Variants in RALGAPA1 observed in about 807,000 individuals in gnomAD.
RALGAPA1 encodes ral GTPase-activating protein subunit alpha-1.
Under a neutral mutation model 269.6 loss-of-function variants are expected in RALGAPA1, and 52 were observed. The observed-to-expected ratio is 0.19, with a 90% CI of 0.15 to 0.24. The LOEUF (loss-of-function observed/expected upper bound fraction) is 0.24, where lower values mean the gene tolerates loss of function less well. Ranked by LOEUF, RALGAPA1 falls within the 10% of genes least tolerant of loss-of-function variation. RALGAPA1 has a pLI of 1.00. For synonymous variants in RALGAPA1, 817 were observed against 1,008.3 expected (o/e 0.81, Z 3.60); for missense variants, 1,917 against 3,013.9 (o/e 0.64, Z 8.52).
chr14:35,745,862 A>G (rs114818991), intron 10 of RALGAPA1, among the ~76,000 whole-genome samples: 3,345 of 151,508 alleles, frequency 0.022, 124 homozygotes, highest in South Asian at 0.14. Flanking sequence ...ACGAGAGAGG[A>G]TGGCTTTAGG....
intron 35 of RALGAPA1, among the ~76,000 whole-genome samples, chr14:35,615,265 T>C (rs2060180873): frequency 6.6e-6 from 1 of 152,172 alleles, no homozygotes; most frequent in African/African-American, 2.4e-5. Context: ...TGTATATACC[T>C]TGCAATAAAA....
rs371643318 is a variant in RALGAPA1, at chr14:35,630,337, G to T, written c.5996-2386C>A. Among the ~76,000 whole-genome samples the T allele has an allele frequency of 4.7e-4, 72 of 151,972 alleles. No individual in the cohort carries two copies. In the East Asian group the frequency reaches 9.3e-3, roughly 20 times the overall value. On this transcript the variant is annotated intron_variant, in intron 33 of 41. Coordinates refer to ENST00000680220, the MANE Select transcript of RALGAPA1 (RefSeq NM_001346249.2). ...GAGTCTTGCTGTGTCACCCAGGCTG[G>T]AGTGCAGTGGCACGATCTTGGCTCA... is the stretch of plus-strand genomic sequence containing the variant.
At chr14:35,600,547 GCTGTTTAGGCTGTTTCTA>G (rs1244973441) in intron 36 of RALGAPA1, among the ~76,000 whole-genome samples, 4 of 152,028 alleles carry the variant, frequency 2.6e-5, no homozygotes, top group Non-Finnish European at 5.9e-5. Context: ...TGTTTTCTGT[GCTGTTTAGGCTGTTTCTA>G]CTGTTTTATC....
chr14:35,783,311 A>G (rs398088678), intron 1 of RALGAPA1, among the ~76,000 whole-genome samples: 3 of 151,840 alleles, frequency 2.0e-5, no homozygotes, highest in Non-Finnish European at 4.4e-5. Context: ...AAAAGGAGGG[A>G]AAAAAAAAGT....
intron 37 of RALGAPA1, among the ~76,000 whole-genome samples, chr14:35,588,208 C>T (rs1016965796): frequency 5.9e-5 from 9 of 152,226 alleles, no homozygotes; most frequent in African/African-American, 1.4e-4. Flanking sequence ...GGATTACAGG[C>T]GTGAGCCATC....
intron 31 of RALGAPA1, among the ~76,000 whole-genome samples, chr14:35,649,117 G>C (rs1007506272): frequency 2.0e-5 from 3 of 152,064 alleles, no homozygotes; most frequent in Admixed American, 6.6e-5. Flanking sequence ...GTATATAATT[G>C]CCTTGCTGGT....
intron 31 of RALGAPA1, among the ~76,000 whole-genome samples, chr14:35,636,093 AAG>A (rs2061648298): frequency 6.6e-6 from 1 of 151,994 alleles, no homozygotes. Context: ...TTTTTTTTCA[AAG>A]AGAGGGAGTC....
chr14:35,780,292 G>A (rs903222427), intron 1 of RALGAPA1, among the ~76,000 whole-genome samples: 2 of 152,092 alleles, frequency 1.3e-5, no homozygotes, highest in Non-Finnish European at 2.9e-5. Context: ...TAATTTAAGA[G>A]TCAACACTCT....
chr14:35,605,353 T>C (rs192210123), intron 36 of RALGAPA1, among the ~76,000 whole-genome samples: 6 of 152,260 alleles, frequency 3.9e-5, no homozygotes, highest in Admixed American at 3.3e-4. Context: ...TATAAACCTA[T>C]GAGTTTAGTA....
intron 1 of RALGAPA1, among the ~76,000 whole-genome samples, chr14:35,799,695 C>G (rs543385284): frequency 6.6e-6 from 1 of 152,006 alleles, no homozygotes; most frequent in South Asian, 2.1e-4. Context: ...TACTAAGGAA[C>G]AGACAGGCCA....
chr14:35,607,876 GA>G (rs1316865923), intron 35 of RALGAPA1, among the ~76,000 whole-genome samples: 1 of 152,068 alleles, frequency 6.6e-6, no homozygotes, highest in Non-Finnish European at 1.5e-5. Context: ...GTCAATTTTG[GA>G]GTTCAAAAAC....
Position 35,611,760 on chromosome 14 carries a change from G to GA in RALGAPA1, c.6930-6052dup, listed in dbSNP as rs112018366. Among the ~76,000 whole-genome samples the GA allele has an allele frequency of 5.1e-4, 77 of 151,792 alleles. 1 individual carries two copies. Among genetic ancestry groups the GA allele is most frequent in the African/African-American group, 1.4e-3 (57 of 41,396 alleles). On this transcript the variant is annotated intron_variant, in intron 35 of 41. Transcript: ENST00000680220. ...CACAAAAAAGAAAAAGAGAAAACAGGAAAAAAACCCTCTGAAATTGACTAG... is the reference window on the plus strand; with the variant it reads ...CACAAAAAAGAAAAAGAGAAAACAGGAAAAAAAACCCTCTGAAATTGACTAG...
At chr14:35,642,491 T>C (rs1006392558) in intron 31 of RALGAPA1, among the ~76,000 whole-genome samples, 3 of 152,160 alleles carry the variant, frequency 2.0e-5, no homozygotes, top group East Asian at 1.9e-4. Context: ...AATATGTTCA[T>C]ATGACTATAT....
chr14:35,722,676 A>C (rs1418689318), intron 15 of RALGAPA1, among the ~76,000 whole-genome samples: 2 of 152,076 alleles, frequency 1.3e-5, no homozygotes, highest in African/African-American at 4.8e-5. Flanking sequence ...TAATGATATA[A>C]TCATTAGGCT....
chr14:35,645,453 G>A (rs912366803), intron 31 of RALGAPA1, among the ~76,000 whole-genome samples: 3 of 151,302 alleles, frequency 2.0e-5, no homozygotes, highest in Admixed American at 1.3e-4. Context: ...ACCCCAGGCC[G>A]GGCGCAATGG....
At chr14:35,624,168 A>AC (rs1410189710) in intron 35 of RALGAPA1, among the ~76,000 whole-genome samples, 1 of 150,866 alleles carries the variant, frequency 6.6e-6, no homozygotes, top group African/African-American at 2.4e-5. Flanking sequence ...AAAAAAAAAA[A>AC]AAAAAACAAC....
rs1201068018 is a variant in RALGAPA1, at chr14:35,796,755, T to C, written c.106+11975A>G. Among the ~76,000 whole-genome samples the C allele has an allele frequency of 2.6e-5, 4 of 151,714 alleles. No homozygotes were observed. In the East Asian group the frequency reaches 5.8e-4, roughly 22 times the overall value. ...AAAGAACAAAGGAAAAAAAAAGCCA[T>C]CAACCTAGAATTCTAAACAGAACAA... is the stretch of plus-strand genomic sequence containing the variant. On this transcript the variant is annotated intron_variant, in intron 1 of 41. Coordinates refer to ENST00000680220, the MANE Select transcript of RALGAPA1 (RefSeq NM_001346249.2).
chr14:35,570,563 C>A, intron 39 of RALGAPA1, 54 bp downstream of exon 39: 2 of 1,386,334 alleles, frequency 1.4e-6, no homozygotes, highest in South Asian at 1.6e-5. Flanking sequence ...AAATATTTAC[C>A]TTTGTGAGTA....
At chr14:35,700,676 T>C (rs142256879) in intron 16 of RALGAPA1, among the ~76,000 whole-genome samples, 2 of 152,336 alleles carry the variant, frequency 1.3e-5, no homozygotes, top group East Asian at 1.9e-4. Flanking sequence ...AAGTAACTTT[T>C]GGAACAATAT....
Sources: allele counts gnomAD v4.1 joint callset (sites outside exome capture counted in the v4.1 genomes callset), GRCh38; gene constraint gnomAD v4.1.1; transcripts MANE v1.5; gene names NCBI Gene and HGNC (gene_info 2026-07-23, HGNC 2026-07-21).